HNRNPR: variants seen among roughly 807,000 people sequenced by gnomAD.
HNRNPR encodes heterogeneous nuclear ribonucleoprotein R.
Under a neutral mutation model 70.3 loss-of-function variants are expected in HNRNPR, and 4 were observed. The observed-to-expected ratio is 0.06, with a 90% confidence interval of 0.03 to 0.13. HNRNPR has a LOEUF of 0.13. HNRNPR is among the 10% of genes least tolerant of loss of function. The pLI is 1.00. For synonymous variants in HNRNPR, 241 were observed against 267.6 expected (o/e 0.90, Z 0.97); for missense variants, 423 against 788.5 (o/e 0.54, Z 5.55).
intron 8 of HNRNPR, among the ~76,000 whole-genome samples, chr1:23,315,224 G>A (rs772551064): frequency 4.1e-5 from 6 of 145,086 alleles, no homozygotes; most frequent in Non-Finnish European, 7.4e-5. Flanking sequence ...AGGCTGCAGT[G>A]AGCCAAGATT....
At position 23,313,702 on chromosome 1, in the gene HNRNPR, C is replaced by T; in HGVS notation, c.1018G>A (p.Val340Ile). 3 of 1,597,082 alleles carry T rather than the reference C, an allele frequency of 1.9e-6. No individual in the cohort carries two copies. The highest frequency in any genetic ancestry group is 2.6e-6 in the Non-Finnish European group (3 of 1,176,062). ...AAGTTTCTCACAAACAAAACTTTTACCTAGTAAGCAACAAATAAACAAAAC... is the reference window on the plus strand; with the variant it reads ...AAGTTTCTCACAAACAAAACTTTTATCTAGTAAGCAACAAATAAACAAAAC... ...EEPDPEVMAK[V>I]KVLFVRNLAT... The change falls in exon 9 of 11, where the codon GTA becomes ATA. Residue 340 changes from valine to isoleucine, a missense_variant and splice_region_variant. Physicochemically the swap from Val to Ile is conservative, Grantham distance 29 (BLOSUM62 3). This residue lies in a region of HNRNPR where 46 missense variants were observed against 164.6 expected (regional missense o/e 0.28). Transcript: ENST00000302271.
intron 8 of HNRNPR, among the ~76,000 whole-genome samples, chr1:23,317,585 C>T (rs1179394574): frequency 2.6e-5 from 4 of 152,078 alleles, no homozygotes; most frequent in African/African-American, 9.7e-5. Context: ...AATTGAGGGC[C>T]CTTTACAGGA....
chr1:23,331,304 G>A (rs1378546660), intron 5 of HNRNPR, among the ~76,000 whole-genome samples: 5 of 150,702 alleles, frequency 3.3e-5, no homozygotes, highest in Non-Finnish European at 5.9e-5. Context: ...ACTCACGCCT[G>A]TAATCCCAGC....
At chr1:23,338,705 C>T (rs965015580) in intron 2 of HNRNPR, 97 bp from the exon 3 acceptor site, 1 of 559,402 alleles carries the variant, frequency 1.8e-6, no homozygotes, top group African/African-American at 1.9e-5. Flanking sequence ...TCAATATGAT[C>T]ACTAACAAAC....
At chr1:23,313,729 G>C in intron 8 of HNRNPR, 27 bp from the exon 9 acceptor site, 1 of 1,589,850 alleles carries the variant, frequency 6.3e-7, no homozygotes, top group Non-Finnish European at 8.5e-7. Flanking sequence ...AAACAAAACC[G>C]TCATTGGCTA....
chr1:23,335,497 TCCTC>T (rs988351602), intron 4 of HNRNPR, among the ~76,000 whole-genome samples: 1 of 152,190 alleles, frequency 6.6e-6, no homozygotes, highest in African/African-American at 2.4e-5. Flanking sequence ...CCGCTCCTCA[TCCTC>T]CCTATCATTG....
In HNRNPR at chr1:23,318,735, C is replaced by A; in HGVS notation, c.812-47G>T. On this transcript the variant is annotated intron_variant, in intron 7 of 10. Coordinates refer to ENST00000302271, the MANE Select transcript of HNRNPR (RefSeq NM_005826.5). This position sits in a 1 kb window ranked among gnomAD's most constrained non-coding sequence, Gnocchi z 4.2. ...ATATAAGCCAAAAGCATCCACCACA[C>A]ATCTAGCGATTAGGCAGACCTAAAT... 1 of 1,586,122 alleles carries A rather than the reference C, an allele frequency of 6.3e-7. No individual in the cohort carries two copies. The highest frequency in any genetic ancestry group is 8.6e-7 in the Non-Finnish European group (1 of 1,158,484).
chr1:23,319,045 T>C (rs775622665), intron 7 of HNRNPR, among the ~76,000 whole-genome samples: 3 of 152,212 alleles, frequency 2.0e-5, no homozygotes, highest in Non-Finnish European at 4.4e-5. Flanking sequence ...GAACTAACTT[T>C]TGACAACTAA....
rs1645209848 is a variant in HNRNPR, at chr1:23,306,835, G to A, written c.*3619C>T. On this transcript the variant is annotated 3_prime_UTR_variant, in exon 11 of 11. Coordinates refer to ENST00000302271, the MANE Select transcript of HNRNPR (RefSeq NM_005826.5). Reference sequence around the variant, plus strand: ...AAACTTCTAATATAAAAGTAAACATGTCTGGCTAATGGATTTGTTATTCTG... The same window carrying A: ...AAACTTCTAATATAAAAGTAAACATATCTGGCTAATGGATTTGTTATTCTG... The A allele has an allele frequency of 6.6e-6, 1 of 152,142 alleles. No homozygotes were observed. Among genetic ancestry groups the A allele is most frequent in the Non-Finnish European group, 1.5e-5 (1 of 68,020 alleles). The allele number at this position is 152,142 out of a possible 1,614,324, so 9.4% of individuals were successfully genotyped here.
At chr1:23,316,959 C>T (rs1230779955) in intron 8 of HNRNPR, among the ~76,000 whole-genome samples, 5 of 152,228 alleles carry the variant, frequency 3.3e-5, no homozygotes, top group Admixed American at 6.5e-5. Context: ...TCACTGCCAA[C>T]CCAGACTTTA....
rs627669 is a variant in HNRNPR, at chr1:23,313,812, A to G, written c.1018-110T>C. 0.012 allele frequency: 14,675 copies of G among 1,220,988 alleles called. 1,288 individuals carry two copies. The African/African-American group carries it at 0.19, about 16-fold the overall frequency. The allele number at this position is 1,220,988 out of a possible 1,614,324, so 75.6% of individuals were successfully genotyped here. A position where few individuals can be genotyped will look rare whatever the true frequency, so the allele number is the denominator to read the frequency against. On this transcript the variant is annotated intron_variant, in intron 8 of 10. Coordinates refer to ENST00000302271, the MANE Select transcript of HNRNPR (RefSeq NM_005826.5). ...TTTCTCCTCTAAAACATTAAGTGCT[A>G]AAAGTGTTGTTACAGGTAGTAAGAG... is the stretch of plus-strand genomic sequence containing the variant.
rs1645282474 is a variant in HNRNPR, at chr1:23,310,368, AAC to A, written c.*84_*85del. Reference sequence around the variant, plus strand: ...GCAGCAAAATGCTACTTAAAGATGAAACAGTTAAGCCAATTTTTTTTTTTGAA... The same window carrying A: ...GCAGCAAAATGCTACTTAAAGATGAAAGTTAAGCCAATTTTTTTTTTTGAA... On this transcript the variant is annotated 3_prime_UTR_variant, in exon 11 of 11. Transcript: ENST00000302271. This position sits in a 1 kb window ranked among gnomAD's most constrained non-coding sequence, Gnocchi z 6.0. The A allele has an allele frequency of 1.3e-5, 17 of 1,350,764 alleles. No homozygotes were observed. The South Asian group carries it at 2.1e-4, about 16-fold the overall frequency. 83.7% of individuals were successfully genotyped at this position (1,350,764 alleles called of 1,614,324 possible). A position where few individuals can be genotyped will look rare whatever the true frequency, so the allele number is the denominator to read the frequency against.
At chr1:23,320,606 A>G (rs1645717646) in intron 7 of HNRNPR, among the ~76,000 whole-genome samples, 1 of 152,208 alleles carries the variant, frequency 6.6e-6, no homozygotes, top group Admixed American at 6.5e-5. Context: ...GGGAAAGGAT[A>G]TGTCTGGATG....
rs1183385777 is a variant in HNRNPR, at chr1:23,306,033, ATCTCTT to A, written c.*4415_*4420del. 2 of 152,206 alleles carry A rather than the reference ATCTCTT, an allele frequency of 1.3e-5. No homozygotes were observed. The highest frequency in any genetic ancestry group is 4.8e-5 in the African/African-American group (2 of 41,464). The allele number at this position is 152,206 out of a possible 1,614,324, so 9.4% of individuals were successfully genotyped here. On this transcript the variant is annotated 3_prime_UTR_variant, in exon 11 of 11. Transcript: ENST00000302271. ...TCACTAAAATTAGTGTGCAATAAAT[ATCTCTT>A]TAAGATGCATTATATGTTAATCTAT... is the stretch of plus-strand genomic sequence containing the variant.
intron 4 of HNRNPR, among the ~76,000 whole-genome samples, chr1:23,336,255 G>A (rs577456159): frequency 1.3e-4 from 20 of 150,258 alleles, no homozygotes; most frequent in Admixed American, 7.3e-4. Flanking sequence ...GTGAAACCCC[G>A]ACTCTACCAA....
chr1:23,323,922 A>G (rs775630307), intron 5 of HNRNPR, among the ~76,000 whole-genome samples, 190 bp from the exon 6 acceptor site: 6 of 152,182 alleles, frequency 3.9e-5, no homozygotes, highest in South Asian at 4.1e-4. Flanking sequence ...GGGTTATCAA[A>G]GAACAAGTCT....
At chr1:23,330,439 G>C (rs1570048777) in intron 5 of HNRNPR, among the ~76,000 whole-genome samples, 1 of 152,102 alleles carries the variant, frequency 6.6e-6, no homozygotes, top group Admixed American at 6.5e-5. Context: ...GGAGGCTCAG[G>C]CAGGAGGATC....
At chr1:23,336,812 C>G (rs1276136729) in intron 4 of HNRNPR, among the ~76,000 whole-genome samples, 1 of 150,784 alleles carries the variant, frequency 6.6e-6, no homozygotes, top group South Asian at 2.1e-4. Context: ...CAGCAAGACA[C>G]GAGTATCCAT....
chr1:23,332,627 G>A (rs185819115), intron 5 of HNRNPR, among the ~76,000 whole-genome samples: 1 of 149,812 alleles, frequency 6.7e-6, no homozygotes, highest in Non-Finnish European at 1.5e-5. Flanking sequence ...TTGAACTTAG[G>A]AGGTGGAGGT....
Sources: gnomAD v4.1 joint callset for allele counts (sites outside exome capture counted in the v4.1 genomes callset) on GRCh38, gnomAD v4.1.1 for gene constraint, gnomAD v4.1.1 regional missense constraint, Gnocchi (gnomAD v3.1) non-coding constraint, MANE v1.5 for transcripts, NCBI Gene and HGNC (gene_info 2026-07-23, HGNC 2026-07-21) for gene names.